Variants in CTNNA3 observed in about 807,000 individuals in gnomAD.
CTNNA3 encodes the protein catenin alpha 3, also known as catenin alpha-3.
Under a neutral mutation model 95.7 loss-of-function variants are expected in CTNNA3, and 76 were observed. The observed-to-expected ratio is 0.79, with a 90% CI of 0.66 to 0.96. CTNNA3 has a LOEUF of 0.96. CTNNA3 is among the 40% of genes least tolerant of loss of function. The pLI is 0.00. For missense variants in CTNNA3, 1,191 were observed against 1,089.8 expected (o/e 1.09, Z -1.31); for synonymous variants, 431 against 374.4 (o/e 1.15, Z -1.74).
At chr10:66,898,395 G>T (rs1845587758) in intron 7 of CTNNA3, among the ~76,000 whole-genome samples, 1 of 152,084 alleles carries the variant, frequency 6.6e-6, no homozygotes, top group South Asian at 2.1e-4. Flanking sequence ...TTTTGAGAGA[G>T]AAGAACAAAG....
At chr10:67,357,004 T>C (rs1173229040) in intron 5 of CTNNA3, among the ~76,000 whole-genome samples, 3 of 152,120 alleles carry the variant, frequency 2.0e-5, no homozygotes, top group African/African-American at 7.2e-5. Context: ...TTCATTCTCC[T>C]ACACAACCGT....
chr10:67,103,736 T>A (rs1858471975), intron 7 of CTNNA3, among the ~76,000 whole-genome samples: 1 of 151,718 alleles, frequency 6.6e-6, no homozygotes, highest in South Asian at 2.1e-4. Context: ...ATGAGGCTTA[T>A]ATATATTATT....
intron 7 of CTNNA3, among the ~76,000 whole-genome samples, chr10:67,052,333 T>G (rs956781393): frequency 6.6e-6 from 1 of 151,570 alleles, no homozygotes; most frequent in Non-Finnish European, 1.5e-5. Flanking sequence ...TCTCTCTCTC[T>G]CTCTCTCTCT....
chr10:67,282,401 G>A (rs770095134), intron 5 of CTNNA3, among the ~76,000 whole-genome samples: 15 of 152,220 alleles, frequency 9.9e-5, no homozygotes, highest in Admixed American at 2.6e-4. Context: ...AGGATGCAGA[G>A]AATGCAATTC....
At chr10:67,591,263 C>T (rs1842780115) in intron 3 of CTNNA3, among the ~76,000 whole-genome samples, 1 of 152,082 alleles carries the variant, frequency 6.6e-6, no homozygotes, top group Non-Finnish European at 1.5e-5. Context: ...GGTACTTTAC[C>T]AAACTTTAAA....
At chr10:66,434,137 G>C (rs1425288998) in intron 11 of CTNNA3, among the ~76,000 whole-genome samples, 1 of 148,060 alleles carries the variant, frequency 6.8e-6, no homozygotes, top group East Asian at 2.0e-4. Flanking sequence ...CTCTTTTTTG[G>C]TTCCATATGA....
At chr10:66,107,317 T>C (rs761818545) in intron 13 of CTNNA3, among the ~76,000 whole-genome samples, 12 of 152,240 alleles carry the variant, frequency 7.9e-5, no homozygotes, top group Non-Finnish European at 1.5e-4. Context: ...TGATTTGGAA[T>C]AGGCTTAGTT....
At chr10:66,380,988 G>T (rs1295842186) in intron 11 of CTNNA3, among the ~76,000 whole-genome samples, 1 of 150,024 alleles carries the variant, frequency 6.7e-6, no homozygotes, top group Non-Finnish European at 1.5e-5. Flanking sequence ...ATATTAGACA[G>T]ATCAATGAGA....
intron 5 of CTNNA3, among the ~76,000 whole-genome samples, chr10:67,269,865 A>C (rs1027985800): frequency 4.6e-5 from 7 of 152,158 alleles, no homozygotes. Context: ...GCACTGCTAA[A>C]AGTGCATATC....
chr10:67,346,347 T>C (rs888805167), intron 5 of CTNNA3, among the ~76,000 whole-genome samples: 1 of 152,180 alleles, frequency 6.6e-6, no homozygotes, highest in Non-Finnish European at 1.5e-5. Flanking sequence ...GGTGATTTCT[T>C]ATTGCTCATT....
chr10:66,280,131 C>T (rs962494778), intron 13 of CTNNA3, among the ~76,000 whole-genome samples: 1 of 151,826 alleles, frequency 6.6e-6, no homozygotes, highest in Non-Finnish European at 1.5e-5. Context: ...CCTTTTTGTT[C>T]AACAAAAATA....
chr10:67,405,586 C>T (rs1252684277), intron 5 of CTNNA3, among the ~76,000 whole-genome samples: 2 of 152,100 alleles, frequency 1.3e-5, no homozygotes, highest in East Asian at 1.9e-4. Context: ...GACTCCCACA[C>T]AATAATAGTG....
chr10:67,233,875 T>G (rs142467421), intron 5 of CTNNA3, among the ~76,000 whole-genome samples: 1,550 of 152,300 alleles, frequency 0.01, 16 homozygotes, highest in African/African-American at 0.024. Context: ...CAGAGAATAC[T>G]ACAAACACCT....
Position 67,427,338 on chromosome 10 carries a change from G to A in CTNNA3, c.579+94504C>T, listed in dbSNP as rs150703244. Among the ~76,000 whole-genome samples, 64 of 152,044 alleles carry A rather than the reference G, an allele frequency of 4.2e-4. No homozygotes were observed. The East Asian group carries it at 0.011, about 27-fold the overall frequency. On this transcript the variant is annotated intron_variant, in intron 5 of 17. Coordinates refer to ENST00000433211, the MANE Select transcript of CTNNA3 (RefSeq NM_013266.4). ...CCCCAAATAAGTTCCTATATTCCTG[G>A]AGAATCTTCCTGGAGGGAGATATGC...
intron 5 of CTNNA3, among the ~76,000 whole-genome samples, chr10:67,353,179 G>A (rs1173897479): frequency 2.0e-5 from 3 of 151,982 alleles, no homozygotes; most frequent in Admixed American, 1.3e-4. Flanking sequence ...GATAGGAACT[G>A]CTACTTTGCA....
chr10:66,139,183 G>A (rs753567625), intron 13 of CTNNA3, among the ~76,000 whole-genome samples: 15 of 152,150 alleles, frequency 9.9e-5, no homozygotes, highest in Non-Finnish European at 1.6e-4. Flanking sequence ...TCATGATGCC[G>A]AAATGTTAGG....
At chr10:66,686,808 C>T (rs1847313514) in intron 9 of CTNNA3, among the ~76,000 whole-genome samples, 1 of 151,976 alleles carries the variant, frequency 6.6e-6, no homozygotes, top group African/African-American at 2.4e-5. Flanking sequence ...CATTTGAATC[C>T]CTGAAAAAAT....
At chr10:66,495,728 T>C (rs959081531) in intron 11 of CTNNA3, among the ~76,000 whole-genome samples, 4 of 152,172 alleles carry the variant, frequency 2.6e-5, no homozygotes, top group Non-Finnish European at 4.4e-5. Context: ...CAGTCTTGGC[T>C]CACTGTAGCC....
At chr10:66,195,742 T>A (rs927422279) in intron 13 of CTNNA3, among the ~76,000 whole-genome samples, 38 of 152,228 alleles carry the variant, frequency 2.5e-4, no homozygotes, top group Non-Finnish European at 5.4e-4. Flanking sequence ...GCATTATCAA[T>A]ATCTCCACTA....
Sources: gnomAD v4.1 joint callset for allele counts (sites outside exome capture counted in the v4.1 genomes callset) on GRCh38, gnomAD v4.1.1 for gene constraint, MANE v1.5 for transcripts, NCBI Gene and HGNC (gene_info 2026-07-23, HGNC 2026-07-21) for gene names.